NAV1: variants seen among roughly 807,000 people sequenced by gnomAD.
NAV1 encodes the protein neuron navigator 1, also known as pore membrane and/or filament interacting like protein 3.
A neutral mutation model predicts 175.2 loss-of-function variants in NAV1; 18 were observed. The observed-to-expected ratio is 0.10, with a 90% CI of 0.07 to 0.15. NAV1 has a LOEUF of 0.15. Among genes scored for constraint, NAV1 ranks in the 10% least tolerant of loss-of-function variants. The pLI is 1.00. For missense variants in NAV1, 1,731 were observed against 2,436.6 expected, an observed-to-expected ratio of 0.71 and a Z score of 6.10; for synonymous variants, 897 against 978.7, an observed-to-expected ratio of 0.92 and a Z score of 1.56.
At chr1:201,707,922 G>C (rs538663149) in intron 1 of NAV1, among the ~76,000 whole-genome samples, 1 of 152,350 alleles carries the variant, frequency 6.6e-6, no homozygotes, top group African/African-American at 2.4e-5. Flanking sequence ...CCATATTGTA[G>C]TGGAAAGAAC....
chr1:201,618,502 C>G (rs658025), upstream of NAV1, among the ~76,000 whole-genome samples: 13,925 of 152,158 alleles, frequency 0.092, 845 homozygotes, highest in African/African-American at 0.17. Context: ...TCCCCACTCC[C>G]CACCCCCAAC....
chr1:201,592,217 G>A lies in NAV1; in HGVS notation c.-33+3568G>A, dbSNP rs527591915. Among the ~76,000 whole-genome samples the A allele has an allele frequency of 1.8e-4, 27 of 152,232 alleles. No individual in the cohort carries two copies. In the South Asian group the frequency reaches 2.1e-3, roughly 12 times the overall value. ...CCTGTCTCTCCTCTCACTGCCTCCCGCTAGCACACACATCCACCCATTTGC... is the reference window on the plus strand; with the variant it reads ...CCTGTCTCTCCTCTCACTGCCTCCCACTAGCACACACATCCACCCATTTGC... On this transcript the variant is annotated intron_variant, in intron 2 of 33. Transcript: ENST00000685211.
At chr1:201,806,625 G>C (rs1003743072) in intron 17 of NAV1, among the ~76,000 whole-genome samples, 3 of 152,170 alleles carry the variant, frequency 2.0e-5, no homozygotes, top group Non-Finnish European at 4.4e-5. Context: ...TAAGTCTTAC[G>C]TCAATTATGC....
chr1:201,633,820 G>A (rs1039268523), intron 2 of NAV1, among the ~76,000 whole-genome samples: 7 of 152,218 alleles, frequency 4.6e-5, no homozygotes, highest in South Asian at 2.1e-4. Flanking sequence ...GATATTAGCC[G>A]TGTTCTCAGA....
At chr1:201,731,888 C>T (rs1188587831) in intron 3 of NAV1, among the ~76,000 whole-genome samples, 1 of 152,176 alleles carries the variant, frequency 6.6e-6, no homozygotes, top group Non-Finnish European at 1.5e-5. Context: ...CAAGCCACAG[C>T]GAGCCTCCAC....
At chr1:201,671,743 T>C (rs1670052183) in intron 1 of NAV1, among the ~76,000 whole-genome samples, 1 of 152,186 alleles carries the variant, frequency 6.6e-6, no homozygotes, top group African/African-American at 2.4e-5. Flanking sequence ...CCTAGCTATC[T>C]GGTCAGCAGA....
At chr1:201,631,372 T>G (rs1668475646) in intron 2 of NAV1, among the ~76,000 whole-genome samples, 1 of 152,246 alleles carries the variant, frequency 6.6e-6, no homozygotes, top group East Asian at 1.9e-4. Context: ...ATTTTATGCC[T>G]TGCCCTCTCA....
At chr1:201,573,983 G>A (rs561139413) in intron 1 of NAV1, among the ~76,000 whole-genome samples, 8 of 152,054 alleles carry the variant, frequency 5.3e-5, no homozygotes, top group African/African-American at 4.8e-5. Context: ...TTGAGCCCAC[G>A]AGTTTGAGGC....
intron 1 of NAV1, among the ~76,000 whole-genome samples, chr1:201,567,742 A>G (rs547186204): frequency 2.2e-4 from 34 of 152,178 alleles, no homozygotes; most frequent in African/African-American, 5.3e-4. Flanking sequence ...CAGCACAGAC[A>G]TGTCTACCCA....
chr1:201,788,957 CA>C lies in NAV1; in HGVS notation c.3166+320del, dbSNP rs1297497928. 6.6e-6 allele frequency among the ~76,000 whole-genome samples: 1 copy of C among 152,176 alleles called. No homozygotes were observed. Among genetic ancestry groups the C allele is most frequent in the African/African-American group, 2.4e-5 (1 of 41,442 alleles). ...CAGCTTCTCTCCTCCTCATTCTAGC[CA>C]TAGTCTTTCCTCCCCACAGTCTCTC... On this transcript the variant is annotated intron_variant, in intron 10 of 29. Coordinates refer to ENST00000367296, the Ensembl canonical transcript of NAV1. The surrounding 1 kb of genome is among the most constrained non-coding windows in gnomAD (Gnocchi z 5.7).
At chr1:201,562,171 A>ATTTTTTTTTTTTTT (rs566214709) in intron 1 of NAV1, among the ~76,000 whole-genome samples, 1 of 127,272 alleles carries the variant, frequency 7.9e-6, no homozygotes, top group Admixed American at 8.3e-5. Flanking sequence ...TGCCTGGCTA[A>ATTTTTTTTTTTTTT]TTTTTTTTTT....
chr1:201,679,051 G>C (rs549186448), intron 1 of NAV1, among the ~76,000 whole-genome samples: 3 of 152,132 alleles, frequency 2.0e-5, no homozygotes, highest in South Asian at 2.1e-4. Flanking sequence ...TATTTACTGG[G>C]GGGGAGACAG....
At chr1:201,627,072 A>G (rs1162669573) in intron 1 of NAV1, among the ~76,000 whole-genome samples, 1 of 152,200 alleles carries the variant, frequency 6.6e-6, no homozygotes, top group Admixed American at 6.5e-5. Context: ...CGTGACTGTA[A>G]CTATTTCTTT....
upstream of NAV1, among the ~76,000 whole-genome samples, chr1:201,644,404 C>A (rs767229313): frequency 4.0e-4 from 61 of 152,114 alleles, no homozygotes; most frequent in Non-Finnish European, 1.8e-4. Context: ...CAGAGTGCTC[C>A]CACTGCAGTA....
chr1:201,608,467 G>A (rs1246012596), intron 2 of NAV1, among the ~76,000 whole-genome samples: 4 of 152,332 alleles, frequency 2.6e-5, no homozygotes, highest in African/African-American at 9.6e-5. Context: ...TCAAGGCAGA[G>A]GCGACCCCGT....
At chr1:201,627,029 C>A (rs1668348403) in intron 1 of NAV1, among the ~76,000 whole-genome samples, 1 of 152,330 alleles carries the variant, frequency 6.6e-6, no homozygotes, top group South Asian at 2.1e-4. Flanking sequence ...GTAACCTCAC[C>A]CACTCTTGCA....
At chr1:201,555,672 G>C (rs1665988946) in intron 1 of NAV1, among the ~76,000 whole-genome samples, 1 of 152,080 alleles carries the variant, frequency 6.6e-6, no homozygotes, top group Admixed American at 6.5e-5. Flanking sequence ...GTGAGGCTCA[G>C]AAGGAGGGAG....
At chr1:201,644,584 T>A (rs1190456024), upstream of NAV1, among the ~76,000 whole-genome samples, 2 of 152,234 alleles carry the variant, frequency 1.3e-5, no homozygotes, top group Non-Finnish European at 2.9e-5. Flanking sequence ...GCACAGAGAC[T>A]GGCACTCAAG....
At chr1:201,736,162 G>A (rs2102538350) in intron 3 of NAV1, among the ~76,000 whole-genome samples, 1 of 152,304 alleles carries the variant, frequency 6.6e-6, no homozygotes, top group South Asian at 2.1e-4. Context: ...TCCATCTGAG[G>A]AATGAAATAG....
Sources: gnomAD v4.1 joint callset for allele counts (sites outside exome capture counted in the v4.1 genomes callset) on GRCh38, gnomAD v4.1.1 for gene constraint, Gnocchi (gnomAD v3.1) non-coding constraint, MANE v1.5 for transcripts, NCBI Gene and HGNC (gene_info 2026-07-23, HGNC 2026-07-21) for gene names.